NETO1: variants seen among roughly 807,000 people sequenced by gnomAD.
The protein encoded by NETO1 is neuropilin and tolloid like 1, also known as neuropilin and tolloid-like protein 1.
A neutral mutation model predicts 61.3 loss-of-function variants in NETO1; 26 were observed. The observed-to-expected ratio is 0.42, with a 90% CI of 0.31 to 0.59. The LOEUF is 0.59. Ranked by LOEUF, NETO1 falls within the 20% of genes least tolerant of loss-of-function variation. The pLI is 0.12. For missense variants in NETO1, 531 were observed against 662.8 expected (o/e 0.80, Z 2.18); for synonymous variants, 225 against 225.8 (o/e 1.00, Z 0.03).
intron 4 of NETO1, among the ~76,000 whole-genome samples, chr18:72,795,385 A>T (rs1375704744): frequency 6.6e-6 from 1 of 152,184 alleles, no homozygotes; most frequent in Admixed American, 6.5e-5. Context: ...TAATATAATA[A>T]AAGGCTAACT....
chr18:72,755,977 T>C (rs2070769623), intron 8 of NETO1, 57 bp downstream of exon 8: 3 of 859,110 alleles, frequency 3.5e-6, no homozygotes, highest in Non-Finnish European at 5.9e-6. Flanking sequence ...ACATATAAAC[T>C]TCTACCCCAC....
At chr18:72,782,571 G>A (rs796981878) in intron 7 of NETO1, among the ~76,000 whole-genome samples, 6 of 152,210 alleles carry the variant, frequency 3.9e-5, no homozygotes, top group Admixed American at 6.5e-5. Context: ...TTGGGAGGCC[G>A]AGGCAGGCCG....
chr18:72,781,043 T>C (rs944404000), intron 7 of NETO1, among the ~76,000 whole-genome samples: 6 of 152,210 alleles, frequency 3.9e-5, no homozygotes, highest in Non-Finnish European at 7.3e-5. Context: ...ACATTGAGTT[T>C]GAATGAAATA....
chr18:72,811,141 C>A (rs996126523), intron 4 of NETO1, among the ~76,000 whole-genome samples: 2 of 152,154 alleles, frequency 1.3e-5, no homozygotes, highest in African/African-American at 4.8e-5. Flanking sequence ...ACAGTACTCA[C>A]CGTCTCCATG....
intron 4 of NETO1, among the ~76,000 whole-genome samples, chr18:72,839,731 G>A (rs1292000006): frequency 1.3e-5 from 2 of 152,128 alleles, no homozygotes; most frequent in Non-Finnish European, 2.9e-5. Flanking sequence ...TACATGAAAG[G>A]AACAGAAAAA....
At chr18:72,783,579 G>T in intron 7 of NETO1, 99 bp downstream of exon 7, 1 of 945,878 alleles carries the variant, frequency 1.1e-6, no homozygotes, top group Non-Finnish European at 1.7e-6. Context: ...AGAATAGCCT[G>T]CTGTGCTCAC....
chr18:72,798,126 A>G (rs563095333), intron 4 of NETO1, among the ~76,000 whole-genome samples: 6 of 152,358 alleles, frequency 3.9e-5, no homozygotes, highest in African/African-American at 1.4e-4. Context: ...TGTGGGCCAC[A>G]CAGCAGGAGA....
chr18:72,788,942 G>A (rs185825866), intron 6 of NETO1, among the ~76,000 whole-genome samples: 1 of 152,024 alleles, frequency 6.6e-6, no homozygotes, highest in Non-Finnish European at 1.5e-5. Context: ...TGCCAGAACA[G>A]TTTTCTCCTT....
At position 72,745,993 on chromosome 18, in the gene NETO1, T is replaced by C. The variant is rs1180544553; in HGVS notation, c.*2186A>G. ...GAGCTATTCATTCTTATTATTATAC[T>C]TCATTTAGTGTTTTTTTTTAAAGTC... On this transcript the variant is annotated 3_prime_UTR_variant, in exon 11 of 11. Coordinates refer to ENST00000327305, the MANE Select transcript of NETO1 (RefSeq NM_138966.5). 1 of 152,176 alleles carries C rather than the reference T, an allele frequency of 6.6e-6. No individual in the cohort carries two copies. Among genetic ancestry groups the C allele is most frequent in the Non-Finnish European group, 1.5e-5 (1 of 68,030 alleles). 9.4% of individuals were successfully genotyped at this position (152,176 alleles called of 1,614,324 possible).
intron 4 of NETO1, among the ~76,000 whole-genome samples, chr18:72,832,073 T>C (rs184372498): frequency 6.6e-6 from 1 of 152,314 alleles, no homozygotes; most frequent in Admixed American, 6.5e-5. Context: ...ATAAATAGTG[T>C]CTGATTTTCA....
chr18:72,743,181 A>C (rs1384134513), downstream of NETO1, among the ~76,000 whole-genome samples: 1 of 152,184 alleles, frequency 6.6e-6, no homozygotes, highest in African/African-American at 2.4e-5. Flanking sequence ...ATCATGATGT[A>C]AACTCAAACC....
intron 4 of NETO1, among the ~76,000 whole-genome samples, chr18:72,851,753 C>T (rs553476658): frequency 2.0e-5 from 3 of 152,226 alleles, no homozygotes; most frequent in South Asian, 2.1e-4. Context: ...AATGGTGAAA[C>T]GCGGGTGATA....
intron 4 of NETO1, among the ~76,000 whole-genome samples, chr18:72,831,755 T>G (rs1187080577): frequency 2.6e-5 from 4 of 152,160 alleles, no homozygotes; most frequent in Non-Finnish European, 4.4e-5. Context: ...CCAAACATAT[T>G]CCTCATTACG....
rs184456045 is a variant in NETO1, at chr18:72,777,968, A to T, written c.868+5710T>A. ...CTCTGCAGTGCGCCCCCTTGCAAAT[A>T]CTCTCTGTCCGGGTTCCAAGCATCC... On this transcript the variant is annotated intron_variant, in intron 7 of 10. Transcript: ENST00000327305. 3.9e-3 allele frequency among the ~76,000 whole-genome samples: 588 copies of T among 151,898 alleles called. 4 individuals are homozygous for T. Among genetic ancestry groups the T allele is most frequent in the African/African-American group, 0.014 (565 of 41,426 alleles).
intron 4 of NETO1, among the ~76,000 whole-genome samples, chr18:72,816,590 G>GGA (rs1437287075): frequency 6.6e-6 from 1 of 152,158 alleles, no homozygotes; most frequent in Non-Finnish European, 1.5e-5. Flanking sequence ...CAATGGCAAT[G>GGA]GAGAACCTCT....
rs746049325 is a variant in NETO1, at chr18:72,750,076, A to G, written c.1527T>C (p.Asp509=). 1.3e-6 allele frequency: 2 copies of G among 1,589,338 alleles called. No individual in the cohort carries two copies. The highest frequency in any genetic ancestry group is 3.4e-5 in the Admixed American group (2 of 58,180). The part of the protein sequence containing the change: ...PTTSHRLSRH[D]KAVQRFCLIG... Reference sequence around the variant, plus strand: ...TTGATACTGACCGCTGGACGGCTTTATCGTGTCTGGACAGCCTGTGACTGG... The same window carrying G: ...TTGATACTGACCGCTGGACGGCTTTGTCGTGTCTGGACAGCCTGTGACTGG... The change falls in exon 9 of 11, where the codon GAT becomes GAC. Residue 509 remains aspartate (D), a synonymous_variant. Coordinates refer to ENST00000327305, the MANE Select transcript of NETO1 (RefSeq NM_138966.5).
intron 4 of NETO1, among the ~76,000 whole-genome samples, chr18:72,810,977 A>G (rs2072848644): frequency 6.6e-6 from 1 of 152,206 alleles, no homozygotes; most frequent in Non-Finnish European, 1.5e-5. Flanking sequence ...GAAACTGCAA[A>G]AACAAAATAA....
chr18:72,768,135 T>C (rs58891676), intron 7 of NETO1, among the ~76,000 whole-genome samples: 410 of 152,354 alleles, frequency 2.7e-3, no homozygotes, highest in African/African-American at 9.2e-3. Flanking sequence ...CTGAAATGGC[T>C]ACTTTGTGAT....
intron 4 of NETO1, among the ~76,000 whole-genome samples, chr18:72,803,214 T>G (rs1007278186): frequency 6.6e-6 from 1 of 152,198 alleles, no homozygotes; most frequent in African/African-American, 2.4e-5. Context: ...TTCCCAACGC[T>G]GAGAGAATTT....
Sources: gnomAD v4.1 joint callset for allele counts (sites outside exome capture counted in the v4.1 genomes callset) on GRCh38, gnomAD v4.1.1 for gene constraint, MANE v1.5 for transcripts, NCBI Gene and HGNC (gene_info 2026-07-23, HGNC 2026-07-21) for gene names.